Variants in INPPL1 observed in about 807,000 individuals in gnomAD.
The protein encoded by INPPL1 is inositol polyphosphate phosphatase like 1.
Under a neutral mutation model 139.3 loss-of-function variants are expected in INPPL1, and 91 were observed. The observed-to-expected ratio is 0.65, with a 90% CI of 0.55 to 0.78. INPPL1 has a LOEUF of 0.78. Among genes scored for constraint, INPPL1 ranks in the 30% least tolerant of loss-of-function variants. The pLI, the probability that INPPL1 is intolerant of heterozygous loss-of-function variation, is 0.00. For missense variants in INPPL1, 1,411 were observed against 1,665.6 expected, an observed-to-expected ratio of 0.85 and a Z score of 2.66; for synonymous variants, 719 against 686.6, an observed-to-expected ratio of 1.05 and a Z score of -0.74.
chr11:72,234,989 A>G lies in INPPL1; in HGVS notation c.2416-127A>G, dbSNP rs1948943946. The G allele has an allele frequency of 1.3e-6, 1 of 751,064 alleles. No individual in the cohort carries two copies. Among genetic ancestry groups the G allele is most frequent in the African/African-American group, 1.7e-5 (1 of 57,218 alleles). The allele number at this position is 751,064 out of a possible 1,614,324, so 46.5% of individuals were successfully genotyped here. ...CATTAAGGATTTGGCTCTTCTCTGA[A>G]GAGTTGAGTGTGAGTGAGCACAGAT... is the stretch of plus-strand genomic sequence containing the variant. On this transcript the variant is annotated intron_variant, in intron 21 of 27. Transcript: ENST00000298229. This position sits in a 1 kb window ranked among gnomAD's most constrained non-coding sequence, Gnocchi z 4.2.
Position 72,233,215 on chromosome 11 carries a change from T to G in INPPL1, c.2040+52T>G, listed in dbSNP as rs1948886837. ...TGGGGGACCGCAGGCCTGCGATGAA[T>G]CAAGAATTTGGGTCAAGGGTATGGG... On this transcript the variant is annotated intron_variant, in intron 17 of 27. Coordinates refer to ENST00000298229, the MANE Select transcript of INPPL1 (RefSeq NM_001567.4). The G allele has an allele frequency of 2.0e-6, 3 of 1,534,952 alleles. No homozygotes were observed. The African/African-American group carries it at 4.1e-5, about 21-fold the overall frequency.
Position 72,234,517 on chromosome 11 carries a change from C to T in INPPL1, c.2327-10C>T, listed in dbSNP as rs375879606. ...GGTGCTCAGTTGGGTGTCTCCCACC[C>T]CCACCCCAGAATACAAGAAGAGCTT... On this transcript the variant is annotated splice_polypyrimidine_tract_variant and intron_variant, in intron 20 of 27. Coordinates refer to ENST00000298229, the MANE Select transcript of INPPL1 (RefSeq NM_001567.4). This position sits in a 1 kb window ranked among gnomAD's most constrained non-coding sequence, Gnocchi z 4.2. The T allele has an allele frequency of 1.9e-6, 3 of 1,602,130 alleles. No homozygotes were observed. Among genetic ancestry groups the T allele is most frequent in the Non-Finnish European group, 2.6e-6 (3 of 1,169,358 alleles).
chr11:72,226,014 CTG>C (rs2135416389), intron 1 of INPPL1, among the ~76,000 whole-genome samples: 1 of 152,226 alleles, frequency 6.6e-6, no homozygotes, highest in South Asian at 2.1e-4. Context: ...GAGTGGGAAT[CTG>C]TGGGGGCTGC....
chr11:72,224,856 C>T lies in INPPL1; in HGVS notation c.-129C>T. The T allele has an allele frequency of 5.2e-6, 3 of 581,750 alleles. No individual in the cohort carries two copies. The highest frequency in any genetic ancestry group is 6.6e-6 in the Non-Finnish European group (3 of 453,372). 36.0% of individuals were successfully genotyped at this position (581,750 alleles called of 1,614,324 possible). On this transcript the variant is annotated 5_prime_UTR_variant, in exon 1 of 28. Coordinates refer to ENST00000298229, the MANE Select transcript of INPPL1 (RefSeq NM_001567.4). ...GCGCGGCGGAGTGCTGAGTCCCGATCCCCGGCTCTGTCCGGCCCACGGATC... is the reference window on the plus strand; with the variant it reads ...GCGCGGCGGAGTGCTGAGTCCCGATTCCCGGCTCTGTCCGGCCCACGGATC...
chr11:72,232,185 A>G (rs1394448809), intron 13 of INPPL1, 55 bp from the exon 14 acceptor site: 1 of 1,349,860 alleles, frequency 7.4e-7, no homozygotes, highest in Non-Finnish European at 1.0e-6. Flanking sequence ...CAGAAGGGAG[A>G]GTTGGGAGCC....
chr11:72,231,839 C>T (rs1948843429), intron 13 of INPPL1, among the ~76,000 whole-genome samples: 1 of 152,148 alleles, frequency 6.6e-6, no homozygotes. Flanking sequence ...AAAACTCAAA[C>T]CCAGAGTGGT....
At chr11:72,231,936 C>G (rs528944652) in intron 13 of INPPL1, among the ~76,000 whole-genome samples, 33 of 152,210 alleles carry the variant, frequency 2.2e-4, no homozygotes, top group African/African-American at 7.5e-4. Flanking sequence ...CTGGTGCTCT[C>G]CCAGGTAGAT....
At position 72,237,509 on chromosome 11, in the gene INPPL1, C is replaced by A. The variant is rs746607865; in HGVS notation, c.3265C>A (p.Pro1089Thr). 1 of 1,609,400 alleles carries A rather than the reference C, an allele frequency of 6.2e-7. No homozygotes were observed. Among genetic ancestry groups the A allele is most frequent in the Non-Finnish European group, 8.5e-7 (1 of 1,177,308 alleles). ...TGGTGGGGCTGAGGCCCGTGGCCCA[C>A]CACCTCCCAAGGCCCATCCAAGGCC... is the stretch of plus-strand genomic sequence containing the variant. The part of the protein sequence containing the change: ...GRGGAEARGP[P>T]PPKAHPRPPL... Residue 1089 changes from proline to threonine, a missense_variant, in exon 26 of 28, where the codon CCA (proline) becomes ACA (threonine). This residue lies in a region of INPPL1 where 438 missense variants were observed against 425.7 expected (regional missense o/e 1.03). Transcript: ENST00000298229.
intron 1 of INPPL1, 134 bp downstream of exon 1, chr11:72,225,300 C>T (rs1401101029): frequency 2.5e-6 from 3 of 1,221,686 alleles, no homozygotes; most frequent in Admixed American, 4.3e-5. Flanking sequence ...AGAGTGGGAG[C>T]CTTGGCTTTC....
In INPPL1 at chr11:72,228,418, A is replaced by T. The variant is rs549593209; in HGVS notation, c.317A>T (p.Asn106Ile). 6.2e-7 allele frequency: 1 copy of T among 1,612,988 alleles called. No individual in the cohort carries two copies. Among genetic ancestry groups the T allele is most frequent in the Admixed American group, 1.7e-5 (1 of 60,008 alleles). The stretch of plus-strand genomic sequence containing the variant: ...CTCATCGGCCTGTACGCCCAGCCCA[A>T]CCAGGGCCTTGTGTGCGCCCTGCTT... ...GELIGLYAQPNQGLVCALLLP... is the reference protein window; with the variant it reads ...GELIGLYAQPIQGLVCALLLP... Residue 106 changes from asparagine to isoleucine, a missense_variant, in exon 3 of 28, where the codon AAC becomes ATC. Asn to Ile is a moderately radical substitution (Grantham distance 149). Around this residue, in one of 5 missense-constraint regions of INPPL1, gnomAD observed 504 missense variants for 595.6 expected, o/e 0.85. Transcript: ENST00000298229. The surrounding 1 kb of genome is among the most constrained non-coding windows in gnomAD (Gnocchi z 5.0).
Position 72,230,265 on chromosome 11 carries a change from G to C in INPPL1, c.1084G>C (p.Asp362His). The change falls in exon 9 of 28, where the codon GAC becomes CAC. Residue 362 changes from aspartate (D) to histidine (H), a missense_variant. Physicochemically the swap from Asp to His is moderately conservative, Grantham distance 81. This residue lies in a region of INPPL1 where 504 missense variants were observed against 595.6 expected (regional missense o/e 0.85). Transcript: ENST00000298229. ...SQEDWTTFTHDRIRQLIKSQR... is the reference protein window; with the variant it reads ...SQEDWTTFTHHRIRQLIKSQR... ...GGAGGACTGGACCACCTTCACGCAC[G>C]ACCGCAGTGAGCCAGGGCCAGACCT... The C allele has an allele frequency of 6.2e-7, 1 of 1,607,910 alleles. No individual in the cohort carries two copies. The highest frequency in any genetic ancestry group is 8.5e-7 in the Non-Finnish European group (1 of 1,176,246).
At chr11:72,230,702 C>G (rs2135428219) in intron 10 of INPPL1, 94 bp from the exon 11 acceptor site, 1 of 1,047,172 alleles carries the variant, frequency 9.5e-7, no homozygotes, top group Non-Finnish European at 1.4e-6. Context: ...GACAGACCCT[C>G]TCCTCATGGA....
In INPPL1 at chr11:72,237,195, C is replaced by G; in HGVS notation, c.2951C>G (p.Pro984Arg). 6.2e-7 allele frequency: 1 copy of G among 1,613,964 alleles called. No individual in the cohort carries two copies. The highest frequency in any genetic ancestry group is 1.1e-5 in the South Asian group (1 of 91,066). Residue 984 changes from proline to arginine, a missense_variant, in exon 26 of 28, where the codon CCT becomes CGT. Coordinates refer to ENST00000298229, the MANE Select transcript of INPPL1 (RefSeq NM_001567.4). ...CCACCCAAGAACAGCTTCAATAACC[C>G]TGCCTACTACGTCCTTGAAGGGGTC... ...APPPKNSFNN[P>R]AYYVLEGVPH...
rs1948917761 is a variant in INPPL1 at position 72,234,253 on chromosome 11, CTGTT to C, written c.2213-23_2213-20del. On this transcript the variant is annotated intron_variant, in intron 19 of 27. Coordinates refer to ENST00000298229, the MANE Select transcript of INPPL1 (RefSeq NM_001567.4). The surrounding 1 kb of genome is among the most constrained non-coding windows in gnomAD (Gnocchi z 4.2). ...TCCTCCTGTGATCCTCTCAGTCCTC[CTGTT>C]TGTTCTCCTCCCTTTCTCCTCAGGG... 3 of 1,511,542 alleles carry C rather than the reference CTGTT, an allele frequency of 2.0e-6. No homozygotes were observed. The highest frequency in any genetic ancestry group is 2.8e-6 in the Non-Finnish European group (3 of 1,087,244). The allele number at this position is 1,511,542 out of a possible 1,614,324, so 93.6% of individuals were successfully genotyped here. A position where few individuals can be genotyped will look rare whatever the true frequency, so the allele number is the denominator to read the frequency against.
rs554820987 is a variant in INPPL1 at position 72,229,540 on chromosome 11, C to T, written c.735C>T (p.Thr245=). 10 of 1,614,114 alleles carry T rather than the reference C, an allele frequency of 6.2e-6. No individual in the cohort carries two copies. Among genetic ancestry groups the T allele is most frequent in the African/African-American group, 2.7e-5 (2 of 75,026 alleles). Reference sequence around the variant, plus strand: ...ACCAGCAGAGCTCGCCCATGGTGACCCGCCTTTTGCAGCAGCAGGTAGATT... The same window carrying T: ...ACCAGCAGAGCTCGCCCATGGTGACTCGCCTTTTGCAGCAGCAGGTAGATT... ...VFDQQSSPMV[T]RLLQQQNLPQ... Residue 245 remains threonine (T), a synonymous_variant, in exon 6 of 28, where the codon ACC becomes ACT. Transcript: ENST00000298229.
At chr11:72,237,846 C>T (rs1363000526) in intron 26 of INPPL1, 50 bp downstream of exon 26, 2 of 1,535,238 alleles carry the variant, frequency 1.3e-6, no homozygotes, top group African/African-American at 2.7e-5. Context: ...TGCTTGCCCA[C>T]AGACTGGTAC....
intron 13 of INPPL1, 33 bp from the exon 14 acceptor site, chr11:72,232,207 A>G: frequency 6.7e-7 from 1 of 1,492,132 alleles, no homozygotes. Flanking sequence ...TCTGAGGATG[A>G]CCCAGGCCTT....
chr11:72,235,567 A>G lies in INPPL1; in HGVS notation c.2660-108A>G, dbSNP rs1948963665. 2 of 1,564,934 alleles carry G rather than the reference A, an allele frequency of 1.3e-6. No homozygotes were observed. Among genetic ancestry groups the G allele is most frequent in the South Asian group, 2.3e-5 (2 of 86,412 alleles). Reference sequence around the variant, plus strand: ...TGGAGGTTCTGCAGCCACAGCTGGGAATAGTCCTGCCCCAAGGCATAGCTG... The same window carrying G: ...TGGAGGTTCTGCAGCCACAGCTGGGGATAGTCCTGCCCCAAGGCATAGCTG... On this transcript the variant is annotated intron_variant, in intron 23 of 27. Transcript: ENST00000298229. The surrounding 1 kb of genome is among the most constrained non-coding windows in gnomAD (Gnocchi z 4.9).
intron 7 of INPPL1, 71 bp downstream of exon 7, chr11:72,229,823 C>T (rs1948780053): frequency 6.4e-7 from 1 of 1,558,244 alleles, no homozygotes; most frequent in Non-Finnish European, 8.8e-7. Flanking sequence ...GATCTCAACC[C>T]TCAGTCTACA....
Sources: allele counts gnomAD v4.1 joint callset (sites outside exome capture counted in the v4.1 genomes callset), GRCh38; gene constraint gnomAD v4.1.1; regional missense constraint gnomAD v4.1.1; non-coding constraint Gnocchi (gnomAD v3.1); transcripts MANE v1.5; gene names NCBI Gene and HGNC (gene_info 2026-07-23, HGNC 2026-07-21).